Variants in PCDH15 observed in about 807,000 individuals in gnomAD.
PCDH15 encodes protocadherin-15.
PCDH15 carries 129 observed loss-of-function variants against 178.5 expected under a neutral mutation model. The ratio of observed to expected loss-of-function variants is 0.72; its 90% confidence interval spans 0.63 to 0.84. PCDH15 has a LOEUF of 0.84. Ranked by LOEUF, PCDH15 falls within the 40% of genes least tolerant of loss-of-function variation. The probability of loss-of-function intolerance (pLI) is 0.00; values close to 1 mark genes in which losing one functional copy is unlikely to be tolerated. For missense variants in PCDH15, 2,230 were observed against 2,099.9 expected, an observed-to-expected ratio of 1.06 and a Z score of -1.21; for synonymous variants, 800 against 732.0, an observed-to-expected ratio of 1.09 and a Z score of -1.50.
chr10:54,835,165 G>A (rs560748970), intron 3 of PCDH15, among the ~76,000 whole-genome samples: 1 of 152,058 alleles, frequency 6.6e-6, no homozygotes, highest in South Asian at 2.1e-4. Context: ...AGACAATAGC[G>A]AAATAAGAAT....
intron 21 of PCDH15, among the ~76,000 whole-genome samples, chr10:53,981,270 GT>G (rs2090615300): frequency 2.0e-5 from 3 of 152,098 alleles, no homozygotes; most frequent in Admixed American, 2.0e-4. Flanking sequence ...TTCTTACAGT[GT>G]GTGTTAAACA....
chr10:53,888,346 A>C (rs183172542), intron 26 of PCDH15, among the ~76,000 whole-genome samples: 1 of 53,878 alleles, frequency 1.9e-5, no homozygotes, highest in African/African-American at 7.6e-5. Context: ...GTATATATAT[A>C]TACGTATATA....
At chr10:55,444,583 T>C (rs1839273984) in intron 2 of PCDH15, among the ~76,000 whole-genome samples, 1 of 152,222 alleles carries the variant, frequency 6.6e-6, no homozygotes, top group South Asian at 2.1e-4. Flanking sequence ...ATAATAGAGA[T>C]ATAAAACATT....
chr10:54,090,055 A>T lies in PCDH15; in HGVS notation c.1926T>A (p.Asp642Glu), dbSNP rs1248837010. ...CATATGTTATTGAGTCTCCCTCTCG[A>T]TCAGTTGCCTTCAGAGAGAAAACAT... The part of the protein sequence containing the change: ...GAVLLNLQAT[D>E]REGDSITYAI... The change falls in exon 16 of 38, where the codon GAT (aspartate) becomes GAA (glutamate). Residue 642 changes from aspartate to glutamate, a missense_variant. Asp to Glu is a conservative substitution (Grantham distance 45, BLOSUM62 2). Transcript: ENST00000644397. 10 of 1,610,586 alleles carry T rather than the reference A, an allele frequency of 6.2e-6. No homozygotes were observed. The highest frequency in any genetic ancestry group is 8.5e-6 in the Non-Finnish European group (10 of 1,177,244).
intron 2 of PCDH15, among the ~76,000 whole-genome samples, chr10:55,593,709 A>G (rs1051128929): frequency 1.3e-5 from 2 of 151,900 alleles, no homozygotes; most frequent in African/African-American, 4.8e-5. Flanking sequence ...ATTTTCAAAG[A>G]CTGATTAAAA....
chr10:55,030,218 C>T (rs1291951621), intron 2 of PCDH15, among the ~76,000 whole-genome samples: 1 of 152,052 alleles, frequency 6.6e-6, no homozygotes, highest in Admixed American at 6.6e-5. Context: ...CTTTAGTTTG[C>T]AATGCTGTAT....
chr10:55,412,653 A>T (rs1838368545), intron 2 of PCDH15, among the ~76,000 whole-genome samples: 1 of 152,008 alleles, frequency 6.6e-6, no homozygotes, highest in African/African-American at 2.4e-5. Context: ...TGGAATACAA[A>T]AGAACACTTG....
intron 2 of PCDH15, among the ~76,000 whole-genome samples, chr10:54,616,552 A>C (rs1173873920): frequency 6.6e-6 from 1 of 152,084 alleles, no homozygotes; most frequent in Non-Finnish European, 1.5e-5. Context: ...ACACCTTTCC[A>C]GATACAGAAT....
intron 2 of PCDH15, among the ~76,000 whole-genome samples, chr10:55,617,153 A>G (rs569261767): frequency 9.8e-4 from 149 of 152,154 alleles, no homozygotes; most frequent in African/African-American, 3.4e-3. Flanking sequence ...ATGAAAGAAA[A>G]ACAGAACTTT....
chr10:54,764,670 G>T (rs1948293835), intron 1 of PCDH15, among the ~76,000 whole-genome samples: 1 of 151,916 alleles, frequency 6.6e-6, no homozygotes, highest in South Asian at 2.1e-4. Context: ...GATAGACCAA[G>T]GAAAAAATAT....
intron 2 of PCDH15, chr10:54,528,462 G>T: frequency 1.5e-6 from 2 of 1,347,272 alleles, no homozygotes; most frequent in South Asian, 1.3e-5. Flanking sequence ...AAGAAAGAAA[G>T]GAAGAGAGAA....
intron 8 of PCDH15, among the ~76,000 whole-genome samples, chr10:54,241,737 C>T (rs1199985505): frequency 6.6e-6 from 1 of 151,968 alleles, no homozygotes; most frequent in East Asian, 1.9e-4. Flanking sequence ...CATTCCCTGT[C>T]TTAGTCATGG....
At chr10:54,956,103 T>C (rs1209407311) in intron 2 of PCDH15, among the ~76,000 whole-genome samples, 1 of 151,384 alleles carries the variant, frequency 6.6e-6, no homozygotes, top group Non-Finnish European at 1.5e-5. Flanking sequence ...ATTGGAGAGC[T>C]GAGACCTGCT....
chr10:53,857,356 T>C (rs538972852), intron 27 of PCDH15, 93 bp from the exon 28 acceptor site: 3 of 860,080 alleles, frequency 3.5e-6, no homozygotes, highest in African/African-American at 1.7e-5. Context: ...CTACTATGCA[T>C]AGACACAGTG....
At chr10:54,160,529 C>A (rs1048434521) in intron 13 of PCDH15, among the ~76,000 whole-genome samples, 2 of 151,994 alleles carry the variant, frequency 1.3e-5, no homozygotes, top group Non-Finnish European at 2.9e-5. Context: ...TTAAATATGA[C>A]AGTAAAAGTA....
intron 2 of PCDH15, among the ~76,000 whole-genome samples, chr10:55,016,778 G>C (rs1291697413): frequency 6.6e-6 from 1 of 152,028 alleles, no homozygotes; most frequent in East Asian, 1.9e-4. Context: ...TGGGATTGCT[G>C]GATCACATGA....
At chr10:54,689,001 A>G (rs1412386033) in intron 1 of PCDH15, among the ~76,000 whole-genome samples, 1 of 152,150 alleles carries the variant, frequency 6.6e-6, no homozygotes, top group Non-Finnish European at 1.5e-5. Flanking sequence ...CTACCTAAAA[A>G]TTCCAATGCT....
At chr10:55,608,053 T>G (rs530578218) in intron 2 of PCDH15, among the ~76,000 whole-genome samples, 1 of 152,194 alleles carries the variant, frequency 6.6e-6, no homozygotes, top group South Asian at 2.1e-4. Flanking sequence ...AGTCTAGATC[T>G]GAAAGAAACC....
At chr10:54,976,370 G>A (rs778827423) in intron 2 of PCDH15, among the ~76,000 whole-genome samples, 1 of 152,074 alleles carries the variant, frequency 6.6e-6, no homozygotes, top group Non-Finnish European at 1.5e-5. Context: ...ATTAATGGTA[G>A]GCTGGTCATG....
Sources: allele counts gnomAD v4.1 joint callset (sites outside exome capture counted in the v4.1 genomes callset), GRCh38; gene constraint gnomAD v4.1.1; transcripts MANE v1.5; gene names NCBI Gene and HGNC (gene_info 2026-07-23, HGNC 2026-07-21).